The following DRD2 variants were observed in gnomAD, a reference collection of about 807,000 sequenced individuals.
DRD2 encodes the protein dopamine receptor D2, also known as D(2) dopamine receptor.
DRD2 carries 8 observed loss-of-function variants against 38.0 expected under a neutral mutation model. That is an observed-to-expected ratio of 0.21 (90% CI 0.12 to 0.38). The LOEUF is 0.38. DRD2 is among the 10% of genes least tolerant of loss of function. The pLI is 1.00. For missense variants in DRD2, 403 were observed against 607.7 expected, an observed-to-expected ratio of 0.66 and a Z score of 3.54; for synonymous variants, 230 against 238.6, an observed-to-expected ratio of 0.96 and a Z score of 0.33.
intron 2 of DRD2, among the ~76,000 whole-genome samples, chr11:113,418,747 G>T (rs190286681): frequency 6.6e-6 from 1 of 152,108 alleles, no homozygotes; most frequent in African/African-American, 2.4e-5. Flanking sequence ...CACCCCTGTA[G>T]CCCAAAGCCT....
chr11:113,439,148 G>A (rs967154525), intron 1 of DRD2, among the ~76,000 whole-genome samples: 3 of 152,152 alleles, frequency 2.0e-5, no homozygotes, highest in Non-Finnish European at 1.5e-5. Context: ...CAGGTTCTTC[G>A]GTACCTACAT....
At chr11:113,463,946 T>C (rs1228343418) in intron 1 of DRD2, among the ~76,000 whole-genome samples, 2 of 152,026 alleles carry the variant, frequency 1.3e-5, no homozygotes, top group African/African-American at 2.4e-5. Context: ...CCTTATAAGT[T>C]AAGGGCTGGA....
intron 1 of DRD2, among the ~76,000 whole-genome samples, chr11:113,431,479 C>T (rs1332670090): frequency 1.3e-5 from 2 of 152,228 alleles, no homozygotes; most frequent in Admixed American, 6.5e-5. Flanking sequence ...AGCTACTGGT[C>T]ATCAAAGAGC....
At chr11:113,458,493 C>A (rs1013335157) in intron 1 of DRD2, among the ~76,000 whole-genome samples, 1 of 152,204 alleles carries the variant, frequency 6.6e-6, no homozygotes, top group Non-Finnish European at 1.5e-5. Flanking sequence ...CTGGCACTGG[C>A]ATGTGGATAT....
chr11:113,428,509 G>T (rs1475424051), intron 1 of DRD2, among the ~76,000 whole-genome samples: 1 of 152,234 alleles, frequency 6.6e-6, no homozygotes, highest in African/African-American at 2.4e-5. Context: ...CCTGCAGGGG[G>T]ATCTGGGTGG....
intron 3 of DRD2, among the ~76,000 whole-genome samples, chr11:113,417,287 T>C (rs952075535): frequency 3.3e-5 from 5 of 152,202 alleles, no homozygotes; most frequent in Non-Finnish European, 7.3e-5. Flanking sequence ...CGAAGAACCA[T>C]GGCCTGCATC....
chr11:113,424,758 T>G, intron 1 of DRD2, 76 bp from the exon 2 acceptor site: 1 of 1,377,434 alleles, frequency 7.3e-7, no homozygotes, highest in South Asian at 1.2e-5. Flanking sequence ...GACCAACTCC[T>G]GGCATTTAAT....
rs1481523007 is a variant in DRD2 at position 113,416,390 on chromosome 11, TC to T, written c.532+472del. On this transcript the variant is annotated intron_variant, in intron 4 of 7. Coordinates refer to ENST00000362072, the MANE Select transcript of DRD2 (RefSeq NM_000795.4). The stretch of plus-strand genomic sequence containing the variant: ...GGCATGTGGTCAGCTTACCTCCTAT[TC>T]ACTTCTAGCTTTCCTGCTCCAGGTG... 2.0e-5 allele frequency among the ~76,000 whole-genome samples: 3 copies of T among 152,170 alleles called. No individual in the cohort carries two copies. In the South Asian group the frequency reaches 6.2e-4, roughly 32 times the overall value.
chr11:113,428,114 C>T (rs1950956182), intron 1 of DRD2, among the ~76,000 whole-genome samples: 1 of 152,146 alleles, frequency 6.6e-6, no homozygotes, highest in Non-Finnish European at 1.5e-5. Context: ...TTGTTCAATC[C>T]ACCCAATCTG....
At chr11:113,431,293 G>T (rs1950984714) in intron 1 of DRD2, among the ~76,000 whole-genome samples, 1 of 152,164 alleles carries the variant, frequency 6.6e-6, no homozygotes, top group Non-Finnish European at 1.5e-5. Context: ...TCTCCCCTAA[G>T]GCACCTTTCT....
At chr11:113,433,471 T>G (rs1442912545) in intron 1 of DRD2, among the ~76,000 whole-genome samples, 4 of 151,982 alleles carry the variant, frequency 2.6e-5, no homozygotes, top group Non-Finnish European at 5.9e-5. Context: ...TGGACTACCA[T>G]TTGGGGGTGG....
intron 1 of DRD2, among the ~76,000 whole-genome samples, chr11:113,470,775 C>A (rs1951416427): frequency 6.6e-6 from 1 of 152,194 alleles, no homozygotes; most frequent in Admixed American, 6.5e-5. Context: ...CTAGGAGTTT[C>A]CAGGCTTCTG....
At chr11:113,448,956 C>A (rs942147081) in intron 1 of DRD2, among the ~76,000 whole-genome samples, 5 of 152,222 alleles carry the variant, frequency 3.3e-5, no homozygotes, top group South Asian at 4.1e-4. Context: ...CCAAGTCCAC[C>A]TCCCAAAGCC....
chr11:113,445,514 C>T (rs12574471), intron 1 of DRD2, among the ~76,000 whole-genome samples: 15,995 of 152,206 alleles, frequency 0.11, 867 homozygotes, highest in Middle Eastern at 0.16. Context: ...CCTGAGGCAT[C>T]GTATCCTCCT....
Position 113,418,021 on chromosome 11 carries a change from G to A in DRD2, c.395+6C>T, listed in dbSNP as rs1389132191. ...GAGCAACCTCTTCCACCCTGGCTGG[G>A]CTCACCTGTCGATGCTGATGGCACA... is the stretch of plus-strand genomic sequence containing the variant. On this transcript the variant is annotated splice_donor_region_variant and intron_variant, in intron 3 of 7. Coordinates refer to ENST00000362072, the MANE Select transcript of DRD2 (RefSeq NM_000795.4). 4.3e-6 allele frequency: 7 copies of A among 1,613,070 alleles called. No homozygotes were observed. Among genetic ancestry groups the A allele is most frequent in the South Asian group, 2.2e-5 (2 of 91,050 alleles).
intron 1 of DRD2, among the ~76,000 whole-genome samples, chr11:113,445,478 C>G (rs1308532769): frequency 6.6e-6 from 1 of 152,194 alleles, no homozygotes; most frequent in Non-Finnish European, 1.5e-5. Flanking sequence ...ACCCAGGTAT[C>G]TGTGTGAAGG....
chr11:113,414,253 C>A (rs1413087341), intron 6 of DRD2, 122 bp downstream of exon 6: 6 of 911,432 alleles, frequency 6.6e-6, no homozygotes, highest in South Asian at 1.3e-5. Flanking sequence ...TCAGCTGAGG[C>A]AAGGTGGGGG....
chr11:113,444,792 T>C lies in DRD2; in HGVS notation c.-31-20110A>G, dbSNP rs993971574. Reference sequence around the variant, plus strand: ...CATTGTCCTCACGGAGGCCACCATCTGGATAGAGGTACTAGCTCGACAGCT... The same window carrying C: ...CATTGTCCTCACGGAGGCCACCATCCGGATAGAGGTACTAGCTCGACAGCT... On this transcript the variant is annotated intron_variant, in intron 1 of 7. Coordinates refer to ENST00000362072, the MANE Select transcript of DRD2 (RefSeq NM_000795.4). Among the ~76,000 whole-genome samples the C allele has an allele frequency of 4.6e-5, 7 of 152,170 alleles. No homozygotes were observed. In the East Asian group the frequency reaches 1.3e-3, roughly 29 times the overall value.
Position 113,412,624 on chromosome 11 carries a change from G to A in DRD2, c.1070C>T (p.Thr357Ile), listed in dbSNP as rs202098964. 2.5e-6 allele frequency: 4 copies of A among 1,614,102 alleles called. No individual in the cohort carries two copies. The highest frequency in any genetic ancestry group is 2.5e-6 in the Non-Finnish European group (3 of 1,180,058). ...PNGKTRTSLK[T>I]MSRRKLSQQK... ...CTGGGAGAGCTTCCTACGGCTCATG[G>A]TCTTGAGGGAGGTCCGGGTTTTGCC... Residue 357 changes from threonine (T) to isoleucine (I), a missense_variant, in exon 7 of 8, where the codon ACC becomes ATC. Thr to Ile is a moderately conservative substitution (Grantham distance 89). This residue lies in a region of DRD2 where 67 missense variants were observed against 136.1 expected (regional missense o/e 0.49). Transcript: ENST00000362072.
Sources: gnomAD v4.1 joint callset for allele counts (sites outside exome capture counted in the v4.1 genomes callset) on GRCh38, gnomAD v4.1.1 for gene constraint, gnomAD v4.1.1 regional missense constraint, MANE v1.5 for transcripts, NCBI Gene and HGNC (gene_info 2026-07-23, HGNC 2026-07-21) for gene names.